KIF1B: variants seen among roughly 807,000 people sequenced by gnomAD.
The protein encoded by KIF1B is kinesin family member 1B.
A neutral mutation model predicts 241.9 loss-of-function variants in KIF1B; 76 were observed. The ratio of observed to expected loss-of-function variants is 0.31; its 90% CI spans 0.26 to 0.38. The LOEUF is 0.38. KIF1B is among the 10% of genes least tolerant of loss of function. The pLI is 1.00. For missense variants in KIF1B, 1,622 were observed against 2,271.4 expected, an observed-to-expected ratio of 0.71 and a Z score of 5.81; for synonymous variants, 750 against 796.7, an observed-to-expected ratio of 0.94 and a Z score of 0.99.
chr1:10,285,715 C>A (rs2102238427), intron 15 of KIF1B, among the ~76,000 whole-genome samples: 1 of 152,230 alleles, frequency 6.6e-6, no homozygotes, highest in Admixed American at 6.5e-5. Flanking sequence ...GTGAGAATTT[C>A]TTTCGGGCAG....
At chr1:10,298,662 C>G (rs1250296297) in intron 22 of KIF1B, among the ~76,000 whole-genome samples, 1 of 152,004 alleles carries the variant, frequency 6.6e-6, no homozygotes, top group Non-Finnish European at 1.5e-5. Flanking sequence ...AATAACATGC[C>G]TCTGATGGTC....
chr1:10,272,140 AAG>A, intron 8 of KIF1B, 99 bp from the exon 9 acceptor site: 1 of 833,548 alleles, frequency 1.2e-6, no homozygotes, highest in South Asian at 1.4e-5. Flanking sequence ...ACTTGTAATA[AAG>A]AAATATGCTA....
Position 10,360,939 on chromosome 1 carries a change from CGCTTTGAG to C in KIF1B, c.4070_4077del (p.Phe1357CysfsTer4). The C allele has an allele frequency of 6.2e-7, 1 of 1,612,844 alleles. No homozygotes were observed. The highest frequency in any genetic ancestry group is 8.5e-7 in the Non-Finnish European group (1 of 1,178,856). The stretch of plus-strand genomic sequence containing the variant: ...TCTTTCTGACCTTAGGACCTTCTAC[CGCTTTGAG>C]GCTGTGTGGGATAGCTCTCTGCATA... On this transcript the variant is annotated frameshift_variant, in exon 39 of 49. Transcript: ENST00000676179. LOFTEE classifies it high-confidence loss of function.
intron 17 of KIF1B, among the ~76,000 whole-genome samples, chr1:10,294,119 CTT>C (rs1178898524): frequency 6.6e-6 from 1 of 152,142 alleles, no homozygotes; most frequent in Non-Finnish European, 1.5e-5. Context: ...TTCTTTCATT[CTT>C]CCACATTTGC....
At chr1:10,225,465 G>A (rs1016756279) in intron 1 of KIF1B, among the ~76,000 whole-genome samples, 19 of 152,042 alleles carry the variant, frequency 1.2e-4, no homozygotes, top group Admixed American at 1.2e-3. Context: ...GACCTTGTCT[G>A]AAAAAAACAA....
intron 24 of KIF1B, among the ~76,000 whole-genome samples, chr1:10,322,119 CATA>C (rs1651547318): frequency 6.6e-6 from 1 of 152,134 alleles, no homozygotes; most frequent in South Asian, 2.1e-4. Context: ...ACTGGAGAAA[CATA>C]GTAATAGAAA....
At chr1:10,262,049 G>T in intron 5 of KIF1B, 79 bp downstream of exon 5, 1 of 955,608 alleles carries the variant, frequency 1.0e-6, no homozygotes, top group South Asian at 1.3e-5. Context: ...TCCAAATTAT[G>T]ACTGTGGTAC....
intron 38 of KIF1B, among the ~76,000 whole-genome samples, chr1:10,356,881 A>G (rs1356168327): frequency 2.0e-5 from 3 of 150,276 alleles, no homozygotes; most frequent in African/African-American, 7.4e-5. Context: ...GCCTGGCGAC[A>G]GAGCTAGACT....
At chr1:10,357,802 A>G (rs867372580) in intron 38 of KIF1B, among the ~76,000 whole-genome samples, 29 of 152,076 alleles carry the variant, frequency 1.9e-4, no homozygotes, top group African/African-American at 6.8e-4. Flanking sequence ...TGAGGTCAGG[A>G]GTTCGAGACC....
In KIF1B at chr1:10,239,968, G is replaced by A. The variant is rs139603405; in HGVS notation, c.106+7534G>A. ...TTTTTAGTAGAGATGGGGTTTCACC[G>A]TGTTAGCCAAGATGGTCTTGGTCTC... On this transcript the variant is annotated intron_variant, in intron 2 of 48. Transcript: ENST00000676179. Among the ~76,000 whole-genome samples, 277 of 151,914 alleles carry A rather than the reference G, an allele frequency of 1.8e-3. 1 individual carries two copies. The highest frequency in any genetic ancestry group is 6.2e-3 in the African/African-American group (259 of 41,454).
At chr1:10,276,613 T>C (rs1649122522) in intron 12 of KIF1B, among the ~76,000 whole-genome samples, 1 of 152,222 alleles carries the variant, frequency 6.6e-6, no homozygotes, top group African/African-American at 2.4e-5. Flanking sequence ...AGATATGAAC[T>C]TTTTATTTTT....
At chr1:10,280,162 G>T (rs924164614) in intron 14 of KIF1B, among the ~76,000 whole-genome samples, 1 of 152,000 alleles carries the variant, frequency 6.6e-6, no homozygotes, top group East Asian at 1.9e-4. Flanking sequence ...TCAAGAAATT[G>T]TTATCTTAGA....
At chr1:10,304,435 G>T in intron 22 of KIF1B, 1 of 1,612,622 alleles carries the variant, frequency 6.2e-7, no homozygotes, top group South Asian at 1.1e-5. Flanking sequence ...CACTGCTGAT[G>T]TACAGACTTT....
At chr1:10,212,321 T>G (rs1646703850) in intron 1 of KIF1B, among the ~76,000 whole-genome samples, 1 of 152,228 alleles carries the variant, frequency 6.6e-6, no homozygotes, top group South Asian at 2.1e-4. Flanking sequence ...TAAGTTGATA[T>G]GGTTGCTGGA....
chr1:10,290,303 A>T (rs1369161050), intron 15 of KIF1B, among the ~76,000 whole-genome samples: 1 of 151,918 alleles, frequency 6.6e-6, no homozygotes, highest in Non-Finnish European at 1.5e-5. Flanking sequence ...AGGTTCTTAT[A>T]TTTATATAAG....
At chr1:10,333,462 C>G (rs555936110) in intron 27 of KIF1B, among the ~76,000 whole-genome samples, 1 of 152,040 alleles carries the variant, frequency 6.6e-6, no homozygotes, top group East Asian at 1.9e-4. Context: ...AAGGCTGTTG[C>G]GGGCGGATCA....
intron 38 of KIF1B, among the ~76,000 whole-genome samples, chr1:10,353,348 T>C (rs544920506): frequency 6.6e-6 from 1 of 152,352 alleles, no homozygotes; most frequent in East Asian, 1.9e-4. Context: ...CACTTAAAAT[T>C]ATCTTTTATA....
intron 44 of KIF1B, among the ~76,000 whole-genome samples, chr1:10,370,724 G>C (rs537302283): frequency 1.5e-4 from 23 of 151,782 alleles, no homozygotes; most frequent in African/African-American, 4.8e-4. Flanking sequence ...AACCAACCTT[G>C]CCCCTTTTAT....
At chr1:10,249,074 G>C (rs1571135625) in intron 2 of KIF1B, among the ~76,000 whole-genome samples, 1 of 152,212 alleles carries the variant, frequency 6.6e-6, no homozygotes, top group East Asian at 1.9e-4. Context: ...TGCAGGAAAA[G>C]TGGCGACTTG....
Sources: gnomAD v4.1 joint callset for allele counts (sites outside exome capture counted in the v4.1 genomes callset) on GRCh38, gnomAD v4.1.1 for gene constraint, MANE v1.5 for transcripts, NCBI Gene and HGNC (gene_info 2026-07-23, HGNC 2026-07-21) for gene names.